TOX: variants seen among roughly 807,000 people sequenced by gnomAD.
TOX encodes thymocyte selection-associated high mobility group box protein TOX.
In TOX, 11 loss-of-function variants were observed where a neutral mutation model predicts 53.7. That is an observed-to-expected ratio of 0.20 (90% confidence interval 0.13 to 0.34). The LOEUF is 0.34. Among genes scored for constraint, TOX ranks in the 10% least tolerant of loss-of-function variants. The pLI is 1.00. For missense variants in TOX, 570 were observed against 664.6 expected (o/e 0.86, Z 1.56); for synonymous variants, 225 against 245.3 (o/e 0.92, Z 0.77).
At chr8:58,896,333 T>C (rs1811645805) in intron 3 of TOX, among the ~76,000 whole-genome samples, 1 of 152,058 alleles carries the variant, frequency 6.6e-6, no homozygotes, top group East Asian at 1.9e-4. Flanking sequence ...AGGTAATGAA[T>C]GTGTCATTCC....
intron 3 of TOX, among the ~76,000 whole-genome samples, chr8:58,893,573 A>G (rs990254613): frequency 6.6e-6 from 1 of 152,218 alleles, no homozygotes. Flanking sequence ...TGCAATTATT[A>G]TATTTTTGGC....
At chr8:59,079,363 C>T (rs572495987) in intron 1 of TOX, among the ~76,000 whole-genome samples, 4 of 152,284 alleles carry the variant, frequency 2.6e-5, no homozygotes, top group African/African-American at 9.6e-5. Flanking sequence ...GCAGCCCCTC[C>T]CATCACAGGC....
intron 1 of TOX, among the ~76,000 whole-genome samples, chr8:58,982,049 CTT>C (rs971648504): frequency 2.6e-5 from 4 of 152,162 alleles, no homozygotes; most frequent in Non-Finnish European, 4.4e-5. Flanking sequence ...TCTCTCTCTC[CTT>C]TCCATTACCA....
At chr8:58,862,023 C>T (rs1811019977) in intron 3 of TOX, among the ~76,000 whole-genome samples, 1 of 152,112 alleles carries the variant, frequency 6.6e-6, no homozygotes, top group African/African-American at 2.4e-5. Context: ...TATGCCCCAA[C>T]TTATTGGAGA....
At chr8:59,034,180 A>T (rs184047482) in intron 1 of TOX, among the ~76,000 whole-genome samples, 1 of 152,188 alleles carries the variant, frequency 6.6e-6, no homozygotes, top group African/African-American at 2.4e-5. Context: ...AGTTTGAGAG[A>T]TTGTATCTGT....
chr8:58,959,205 G>C (rs1290051614), intron 2 of TOX, among the ~76,000 whole-genome samples: 1 of 152,012 alleles, frequency 6.6e-6, no homozygotes, highest in East Asian at 1.9e-4. Context: ...TATATTTTAC[G>C]TTATACTGGT....
intron 1 of TOX, among the ~76,000 whole-genome samples, chr8:59,058,947 C>A (rs1180516083): frequency 1.3e-5 from 2 of 152,216 alleles, no homozygotes; most frequent in Non-Finnish European, 2.9e-5. Context: ...GCACATCAAG[C>A]ACACCCTGAT....
chr8:58,889,212 CAA>C (rs10556451), intron 3 of TOX, among the ~76,000 whole-genome samples: 57,896 of 116,782 alleles, frequency 0.5, 12,645 homozygotes, highest in Middle Eastern at 0.58. Flanking sequence ...TTTACAATAG[CAA>C]AAAAAAAAAA....
intron 1 of TOX, among the ~76,000 whole-genome samples, chr8:59,002,607 CA>C (rs140801735): frequency 1.0e-3 from 148 of 145,466 alleles, no homozygotes; most frequent in African/African-American, 3.5e-3. Context: ...ACAACAACAA[CA>C]AAAAAAAAAC....
At chr8:58,867,430 G>T (rs1811121888) in intron 3 of TOX, among the ~76,000 whole-genome samples, 1 of 152,196 alleles carries the variant, frequency 6.6e-6, no homozygotes, top group South Asian at 2.1e-4. Flanking sequence ...GGACTAAAGG[G>T]CTGGGTCTAG....
chr8:59,092,019 G>T (rs919748690), intron 1 of TOX, among the ~76,000 whole-genome samples: 5 of 151,648 alleles, frequency 3.3e-5, no homozygotes, highest in African/African-American at 1.2e-4. Context: ...GGAGGCTGGG[G>T]CATGTGGATT....
chr8:59,002,579 A>G (rs1342074535), intron 1 of TOX, among the ~76,000 whole-genome samples: 1 of 150,050 alleles, frequency 6.7e-6, no homozygotes, highest in Non-Finnish European at 1.5e-5. Flanking sequence ...CAACACAGCA[A>G]GACTCCGTCT....
rs576401586 is a variant in TOX, at chr8:59,043,120, C to A, written c.102+75766G>T. Among the ~76,000 whole-genome samples, 3 of 152,108 alleles carry A rather than the reference C, an allele frequency of 2.0e-5. No homozygotes were observed. The East Asian group carries it at 5.8e-4, about 29-fold the overall frequency. On this transcript the variant is annotated intron_variant, in intron 1 of 8. Coordinates refer to ENST00000361421, the MANE Select transcript of TOX (RefSeq NM_014729.3). ...TCCAGCCCCCAGCCTCCGGTAATCACCTTTCTACTCTATCTTAAAGTATTC... is the reference window on the plus strand; with the variant it reads ...TCCAGCCCCCAGCCTCCGGTAATCAACTTTCTACTCTATCTTAAAGTATTC...
In TOX at chr8:58,956,633, G is replaced by T. The variant is rs1038651958; in HGVS notation, c.168+3310C>A. 2.0e-5 allele frequency among the ~76,000 whole-genome samples: 3 copies of T among 152,026 alleles called. No individual in the cohort carries two copies. The East Asian group carries it at 5.8e-4, about 29-fold the overall frequency. The stretch of plus-strand genomic sequence containing the variant: ...TATTATTATTTTGAGATATAATCTT[G>T]CTCTGTTGCCCAGGCTAAAGTACAG... On this transcript the variant is annotated intron_variant, in intron 2 of 8. Transcript: ENST00000361421.
chr8:59,024,358 T>C (rs1814197417), intron 1 of TOX, among the ~76,000 whole-genome samples: 1 of 152,236 alleles, frequency 6.6e-6, no homozygotes, highest in South Asian at 2.1e-4. Flanking sequence ...GCTTATAGCT[T>C]CCTTTTTCTT....
chr8:58,975,271 CAG>C (rs373607496), intron 1 of TOX, among the ~76,000 whole-genome samples: 12,876 of 148,048 alleles, frequency 0.087, 667 homozygotes, highest in Middle Eastern at 0.17. Flanking sequence ...CACCCCCACA[CAG>C]AGAGAGAGAG....
intron 1 of TOX, among the ~76,000 whole-genome samples, chr8:59,062,783 G>C (rs1222995865): frequency 2.0e-5 from 3 of 151,600 alleles, no homozygotes; most frequent in Non-Finnish European, 4.4e-5. Context: ...AAAGAGAGAG[G>C]GTGTGTGTGT....
intron 1 of TOX, among the ~76,000 whole-genome samples, chr8:58,998,572 TA>T (rs11345044): frequency 0.044 from 3,594 of 81,146 alleles, 100 homozygotes; most frequent in Middle Eastern, 0.086. Context: ...GTAATAAATG[TA>T]TATATAATAA....
chr8:59,000,103 T>C (rs368007168), intron 1 of TOX, among the ~76,000 whole-genome samples: 13 of 152,146 alleles, frequency 8.5e-5, no homozygotes, highest in African/African-American at 3.1e-4. Flanking sequence ...ACATCATGTC[T>C]TTTTAGGGGT....
Sources: allele counts gnomAD v4.1 joint callset (sites outside exome capture counted in the v4.1 genomes callset), GRCh38; gene constraint gnomAD v4.1.1; transcripts MANE v1.5; gene names NCBI Gene and HGNC (gene_info 2026-07-23, HGNC 2026-07-21).